The following CACNG5 variants were observed in gnomAD, a reference collection of about 807,000 sequenced individuals.
CACNG5 encodes the protein voltage-dependent calcium channel gamma-5 subunit.
CACNG5 carries 18 observed loss-of-function variants against 24.8 expected under a neutral mutation model. That is an observed-to-expected ratio of 0.73 (90% CI 0.50 to 1.08). The LOEUF is 1.08. CACNG5 is among the 50% of genes least tolerant of loss of function. The probability of loss-of-function intolerance (pLI) is 0.00; values close to 1 mark genes in which losing one functional copy is unlikely to be tolerated. For missense variants in CACNG5, 349 were observed against 367.9 expected (o/e 0.95, Z 0.42); for synonymous variants, 157 against 149.1 (o/e 1.05, Z -0.39).
At chr17:66,835,406 C>G (rs950545645) in intron 1 of CACNG5, among the ~76,000 whole-genome samples, 156 bp downstream of exon 1, 1 of 152,184 alleles carries the variant, frequency 6.6e-6, no homozygotes, top group Non-Finnish European at 1.5e-5. Context: ...ATCGCGCACC[C>G]TGGAAGGGGC....
At chr17:66,861,855 G>A (rs886273639) in intron 1 of CACNG5, among the ~76,000 whole-genome samples, 1 of 152,232 alleles carries the variant, frequency 6.6e-6, no homozygotes, top group Non-Finnish European at 1.5e-5. Flanking sequence ...TATGAAGTTT[G>A]CCACCCCCGT....
intron 4 of CACNG5, among the ~76,000 whole-genome samples, chr17:66,882,756 G>C (rs1444216370): frequency 6.6e-6 from 1 of 151,906 alleles, no homozygotes. Flanking sequence ...TGGATGGATT[G>C]GTGAGTGGAT....
chr17:66,880,414 T>C (rs1598062545), intron 3 of CACNG5, 143 bp from the exon 4 acceptor site: 1 of 904,356 alleles, frequency 1.1e-6, no homozygotes, highest in Admixed American at 2.7e-5. Context: ...GGCCACCTGA[T>C]GGGGGTAGAG....
At chr17:66,878,068 G>A (rs74792888) in intron 2 of CACNG5, among the ~76,000 whole-genome samples, 2,675 of 152,328 alleles carry the variant, frequency 0.018, 67 homozygotes, top group African/African-American at 0.061. Flanking sequence ...CACATGAGCA[G>A]GTCCCTCCAG....
chr17:66,870,284 A>C (rs1333559550), intron 1 of CACNG5, among the ~76,000 whole-genome samples: 1 of 152,152 alleles, frequency 6.6e-6, no homozygotes, highest in Admixed American at 6.5e-5. Context: ...CATCCATCCA[A>C]GGTGGCCCAA....
rs1316420252 is a variant in CACNG5, at chr17:66,889,873, T to C, written c.*4633T>C. Among the ~76,000 whole-genome samples, 1 of 152,220 alleles carries C rather than the reference T, an allele frequency of 6.6e-6. No individual in the cohort carries two copies. The highest frequency in any genetic ancestry group is 1.5e-5 in the Non-Finnish European group (1 of 68,036). ...TTGGCCAAATATTTGGGCAGCACCA[T>C]GGCCCAGCCACACTGACATGTAAAA... On this transcript the variant is annotated 3_prime_UTR_variant, in exon 6 of 6. Transcript: ENST00000533854.
At chr17:66,881,933 G>C (rs1977163740) in intron 4 of CACNG5, among the ~76,000 whole-genome samples, 1 of 152,168 alleles carries the variant, frequency 6.6e-6, no homozygotes, top group Non-Finnish European at 1.5e-5. Flanking sequence ...ACTGGGGAAG[G>C]CATCTGAGGT....
Position 66,877,331 on chromosome 17 carries a change from A to T in CACNG5, c.-2A>T. On this transcript the variant is annotated 5_prime_UTR_variant, in exon 2 of 6. In the 5' UTR this introduces an upstream ATG that the reference lacks. Coordinates refer to ENST00000533854, the MANE Select transcript of CACNG5 (RefSeq NM_145811.3). ...CTAGTTGCACAGCAACGGTCCAGGA[A>T]GATGAGTGCCTGCGGGAGGAAGGCC... 3 of 1,613,294 alleles carry T rather than the reference A, an allele frequency of 1.9e-6. No homozygotes were observed. The highest frequency in any genetic ancestry group is 2.5e-6 in the Non-Finnish European group (3 of 1,179,440).
intron 4 of CACNG5, among the ~76,000 whole-genome samples, chr17:66,881,671 C>T (rs1977159770): frequency 6.6e-6 from 1 of 152,176 alleles, no homozygotes; most frequent in Non-Finnish European, 1.5e-5. Context: ...GTGAATAGGA[C>T]TATGAATGGT....
At chr17:66,860,408 C>T (rs569868861) in intron 1 of CACNG5, among the ~76,000 whole-genome samples, 8 of 152,158 alleles carry the variant, frequency 5.3e-5, no homozygotes, top group African/African-American at 1.9e-4. Flanking sequence ...TGGTTCATCA[C>T]ACACAAGGGA....
Position 66,877,476 on chromosome 17 carries a change from C to T in CACNG5, c.144C>T (p.Thr48=), listed in dbSNP as rs757713634. 4.8e-5 allele frequency: 78 copies of T among 1,613,886 alleles called. No individual in the cohort carries two copies. The highest frequency in any genetic ancestry group is 1.4e-4 in the South Asian group (13 of 91,070). The change falls in exon 2 of 6, where the codon ACC becomes ACT. Residue 48 remains threonine, a synonymous_variant. Transcript: ENST00000533854. ...TGATTGTGCCCCAGAACCAGAGCACCGAGATCAAGATGTCCCTGCACTCAG... is the reference window on the plus strand; with the variant it reads ...TGATTGTGCCCCAGAACCAGAGCACTGAGATCAAGATGTCCCTGCACTCAG... The part of the protein sequence containing the change: ...EGVIVPQNQS[T]EIKMSLHSGL...
intron 3 of CACNG5, among the ~76,000 whole-genome samples, chr17:66,879,338 C>A (rs1016318861): frequency 6.6e-6 from 1 of 152,176 alleles, no homozygotes; most frequent in Non-Finnish European, 1.5e-5. Flanking sequence ...TCAACAGAGT[C>A]GTTTCTGCCC....
Position 66,884,563 on chromosome 17 carries a change from G to A in CACNG5, c.472G>A (p.Asp158Asn), listed in dbSNP as rs372953328. The A allele has an allele frequency of 2.5e-6, 4 of 1,614,020 alleles. No homozygotes were observed. Among genetic ancestry groups the A allele is most frequent in the Non-Finnish European group, 3.4e-6 (4 of 1,179,944 alleles). Residue 158 changes from aspartate to asparagine, a missense_variant, in exon 5 of 6, where the codon GAT (aspartate) becomes AAT (asparagine). Asp to Asn is a conservative substitution (Grantham distance 23). Transcript: ENST00000533854. ...GLVLYISSIN[D>N]EMLNRTKDAE... ...GGTGCTCTACATCTCCAGCATCAAC[G>A]ATGAGATGCTCAACAGGACCAAGGA...
In CACNG5 at chr17:66,893,009, A is replaced by C. The variant is rs1171158635; in HGVS notation, c.*7769A>C. On this transcript the variant is annotated 3_prime_UTR_variant, in exon 6 of 6. Coordinates refer to ENST00000533854, the MANE Select transcript of CACNG5 (RefSeq NM_145811.3). ...ATCATGACCACCAACATGCATCTAA[A>C]GTCCTTATCAGAGTCCTTGGCACAT... 6.6e-6 allele frequency among the ~76,000 whole-genome samples: 1 copy of C among 152,192 alleles called. No homozygotes were observed. Among genetic ancestry groups the C allele is most frequent in the African/African-American group, 2.4e-5 (1 of 41,444 alleles).
At chr17:66,858,314 G>A (rs1239736216) in intron 1 of CACNG5, among the ~76,000 whole-genome samples, 2 of 152,124 alleles carry the variant, frequency 1.3e-5, no homozygotes, top group African/African-American at 4.8e-5. Flanking sequence ...TTCTGGACCC[G>A]GGAGTGAAGA....
At chr17:66,852,270 C>A (rs561685194) in intron 1 of CACNG5, among the ~76,000 whole-genome samples, 1 of 152,298 alleles carries the variant, frequency 6.6e-6, no homozygotes, top group East Asian at 1.9e-4. Context: ...CTGAGGCTTT[C>A]AGAGTTGGGC....
intron 1 of CACNG5, among the ~76,000 whole-genome samples, chr17:66,850,058 A>C (rs4346237): frequency 0.13 from 19,384 of 152,230 alleles, 1,659 homozygotes; most frequent in East Asian, 0.39. Context: ...AGCAGATCAC[A>C]AAGGGGTCAG....
Position 66,887,627 on chromosome 17 carries a change from C to T in CACNG5, c.*2387C>T, listed in dbSNP as rs1378831016. Among the ~76,000 whole-genome samples, 1 of 152,108 alleles carries T rather than the reference C, an allele frequency of 6.6e-6. No individual in the cohort carries two copies. Among genetic ancestry groups the T allele is most frequent in the African/African-American group, 2.4e-5 (1 of 41,390 alleles). ...AGCTCCTAATTGCACTTTTCTCTCT[C>T]TAGAACACTCTTTCTCTGTCACTGT... On this transcript the variant is annotated 3_prime_UTR_variant, in exon 6 of 6. Coordinates refer to ENST00000533854, the MANE Select transcript of CACNG5 (RefSeq NM_145811.3).
chr17:66,847,415 G>T (rs1336550043), intron 1 of CACNG5, among the ~76,000 whole-genome samples: 1 of 152,216 alleles, frequency 6.6e-6, no homozygotes, highest in Non-Finnish European at 1.5e-5. Flanking sequence ...AATCATGGTA[G>T]AAGGCGAAGG....
Sources: allele counts gnomAD v4.1 joint callset (sites outside exome capture counted in the v4.1 genomes callset), GRCh38; gene constraint gnomAD v4.1.1; transcripts MANE v1.5; gene names NCBI Gene and HGNC (gene_info 2026-07-23, HGNC 2026-07-21).